SOX5: variants seen among roughly 807,000 people sequenced by gnomAD.
The protein encoded by SOX5 is SRY-box transcription factor 5.
SOX5 carries 9 observed loss-of-function variants against 92.0 expected under a neutral mutation model. The observed-to-expected ratio is 0.10, with a 90% CI of 0.06 to 0.17. The LOEUF is 0.17. Ranked by LOEUF, SOX5 falls within the 10% of genes least tolerant of loss-of-function variation. The pLI is 1.00. For synonymous variants in SOX5, 344 were observed against 336.3 expected, an observed-to-expected ratio of 1.02 and a Z score of -0.25; for missense variants, 642 against 944.5, an observed-to-expected ratio of 0.68 and a Z score of 4.20.
intron 2 of SOX5, among the ~76,000 whole-genome samples, chr12:23,870,411 C>T (rs1321241839): frequency 6.6e-6 from 1 of 151,792 alleles, no homozygotes; most frequent in African/African-American, 2.4e-5. Context: ...TCCCCTAAAC[C>T]AAAGGAAAAA....
chr12:23,616,327 G>A (rs1394210465), intron 8 of SOX5, among the ~76,000 whole-genome samples: 1 of 152,232 alleles, frequency 6.6e-6, no homozygotes, highest in Non-Finnish European at 1.5e-5. Context: ...CACAGAAGTG[G>A]GTGGAGGCTG....
At chr12:23,753,488 A>C (rs2094249904) in intron 4 of SOX5, among the ~76,000 whole-genome samples, 2 of 151,844 alleles carry the variant, frequency 1.3e-5, no homozygotes, top group Non-Finnish European at 2.9e-5. Flanking sequence ...GAAACATCCT[A>C]ACATATGCAA....
Position 23,964,347 on chromosome 12 carries a change from G to A in SOX5, c.-1-68323C>T, listed in dbSNP as rs941548145. Among the ~76,000 whole-genome samples, 7 of 151,920 alleles carry A rather than the reference G, an allele frequency of 4.6e-5. No homozygotes were observed. In the East Asian group the frequency reaches 5.8e-4, roughly 13 times the overall value. On this transcript the variant is annotated intron_variant, in intron 4 of 4. Coordinates refer to the SOX5 transcript ENST00000446891. Reference sequence around the variant, plus strand: ...TCACCATGTTTCCCACGATTCACACGTATTCCTTAGAAAAAGCTGCTTAAT... The same window carrying A: ...TCACCATGTTTCCCACGATTCACACATATTCCTTAGAAAAAGCTGCTTAAT...
rs1414488257 is a variant in SOX5 at position 23,530,409 on chromosome 12, T to G, written c.*3810A>C. 6.6e-6 allele frequency: 1 copy of G among 152,162 alleles called. No homozygotes were observed. Among genetic ancestry groups the G allele is most frequent in the East Asian group, 1.9e-4 (1 of 5,196 alleles). 9.4% of individuals were successfully genotyped at this position (152,162 alleles called of 1,614,324 possible). A position where few individuals can be genotyped will look rare whatever the true frequency, so the allele number is the denominator to read the frequency against. ...TTTCTTTAAGTGAATTAAGGTAAAA[T>G]TCTACTCCGGAAATCAAATCTATAA... On this transcript the variant is annotated 3_prime_UTR_variant, in exon 15 of 15. Coordinates refer to ENST00000451604, the MANE Select transcript of SOX5 (RefSeq NM_006940.6).
chr12:24,224,186 T>TA (rs1230774458), intron 3 of SOX5, among the ~76,000 whole-genome samples: 1 of 152,118 alleles, frequency 6.6e-6, no homozygotes, highest in African/African-American at 2.4e-5. Context: ...CAAGATCATC[T>TA]AATGAGGGAC....
intron 4 of SOX5, among the ~76,000 whole-genome samples, chr12:23,754,113 AC>A (rs1180742441): frequency 6.6e-6 from 1 of 151,742 alleles, no homozygotes; most frequent in Non-Finnish European, 1.5e-5. Context: ...TCCTAAACTA[AC>A]CCCCAAGGCA....
intron 1 of SOX5, 90 bp from the exon 2 acceptor site, chr12:23,896,114 A>C: frequency 2.2e-6 from 2 of 893,382 alleles, no homozygotes; most frequent in Non-Finnish European, 3.6e-6. Flanking sequence ...TGTAACAGAA[A>C]TGCCTTTTTG....
intron 4 of SOX5, among the ~76,000 whole-genome samples, chr12:24,066,636 G>T (rs1236766764): frequency 6.6e-6 from 1 of 152,140 alleles, no homozygotes; most frequent in Non-Finnish European, 1.5e-5. Flanking sequence ...TAGAAAAAAA[G>T]TTCTACATTT....
intron 1 of SOX5, among the ~76,000 whole-genome samples, chr12:23,911,021 T>C (rs1482105976): frequency 1.3e-5 from 2 of 152,114 alleles, no homozygotes; most frequent in African/African-American, 2.4e-5. Context: ...TACTTCCTAT[T>C]ATTTTTTCTT....
chr12:24,489,100 C>T (rs10842358), intron 1 of SOX5, among the ~76,000 whole-genome samples: 94,409 of 151,994 alleles, frequency 0.62, 30,165 homozygotes, highest in East Asian at 0.98. Flanking sequence ...TGAAACCCCT[C>T]AGGCCTAAAG....
chr12:24,469,360 T>C (rs1467043306), intron 1 of SOX5, among the ~76,000 whole-genome samples: 1 of 152,174 alleles, frequency 6.6e-6, no homozygotes, highest in Admixed American at 6.5e-5. Context: ...GTACCGGGTG[T>C]TGGGGACCTG....
chr12:23,858,738 T>A (rs191744682), intron 2 of SOX5, among the ~76,000 whole-genome samples: 356 of 152,280 alleles, frequency 2.3e-3, no homozygotes, highest in African/African-American at 8.2e-3. Flanking sequence ...GAAACCTGCA[T>A]GTGAATGTTC....
chr12:24,122,241 G>A (rs1352941708), intron 4 of SOX5, among the ~76,000 whole-genome samples: 1 of 152,136 alleles, frequency 6.6e-6, no homozygotes, highest in Non-Finnish European at 1.5e-5. Flanking sequence ...ATGAAACGTG[G>A]CCTTATCAGT....
At chr12:23,910,453 C>T (rs2097339809) in intron 1 of SOX5, among the ~76,000 whole-genome samples, 1 of 152,104 alleles carries the variant, frequency 6.6e-6, no homozygotes, top group South Asian at 2.1e-4. Context: ...ATACGCATTT[C>T]CTATTTTCAA....
intron 1 of SOX5, among the ~76,000 whole-genome samples, chr12:24,440,898 T>A (rs189037149): frequency 2.8e-4 from 42 of 152,328 alleles, no homozygotes; most frequent in Non-Finnish European, 2.9e-5. Flanking sequence ...GAATATAACA[T>A]GGGATATAGG....
intron 1 of SOX5, among the ~76,000 whole-genome samples, chr12:23,928,757 T>C (rs936853468): frequency 6.6e-6 from 1 of 151,976 alleles, no homozygotes; most frequent in Non-Finnish European, 1.5e-5. Flanking sequence ...AGTTATAATT[T>C]TGACAATTAT....
chr12:23,882,854 A>T (rs2097012216), intron 2 of SOX5, among the ~76,000 whole-genome samples: 1 of 152,154 alleles, frequency 6.6e-6, no homozygotes, highest in Admixed American at 6.5e-5. Flanking sequence ...ACCTTGAAAT[A>T]CTTGCTGTGT....
intron 4 of SOX5, among the ~76,000 whole-genome samples, chr12:23,989,004 G>A (rs1421686073): frequency 6.6e-6 from 1 of 152,150 alleles, no homozygotes; most frequent in Non-Finnish European, 1.5e-5. Flanking sequence ...TGTAGTTAGA[G>A]TCTTGAGTAG....
intron 3 of SOX5, among the ~76,000 whole-genome samples, chr12:23,828,099 T>C (rs141777640): frequency 6.6e-6 from 1 of 152,234 alleles, no homozygotes; most frequent in African/African-American, 2.4e-5. Context: ...ATATTTCTAC[T>C]GTACCTTTTT....
Sources: gnomAD v4.1 joint callset for allele counts (sites outside exome capture counted in the v4.1 genomes callset) on GRCh38, gnomAD v4.1.1 for gene constraint, MANE v1.5 for transcripts, NCBI Gene and HGNC (gene_info 2026-07-23, HGNC 2026-07-21) for gene names.